VPS13B: variants seen among roughly 807,000 people sequenced by gnomAD.
VPS13B encodes vacuolar protein sorting 13 homolog B.
A neutral mutation model predicts 426.4 loss-of-function variants in VPS13B; 285 were observed. The ratio of observed to expected loss-of-function variants is 0.67; its 90% CI spans 0.61 to 0.74. The LOEUF is 0.74. Among genes scored for constraint, VPS13B ranks in the 30% least tolerant of loss-of-function variants. VPS13B has a pLI of 0.00. For synonymous variants in VPS13B, 1,676 were observed against 1,676.4 expected (o/e 1.00, Z 0.01); for missense variants, 4,537 against 4,782.6 (o/e 0.95, Z 1.51).
Position 99,582,209 on chromosome 8 carries a change from A to C in VPS13B, c.5220+4576A>C, listed in dbSNP as rs1431785339. Among the ~76,000 whole-genome samples the C allele has an allele frequency of 2.0e-5, 3 of 152,216 alleles. No homozygotes were observed. In the South Asian group the frequency reaches 6.2e-4, roughly 32 times the overall value. ...GCCCAATTATATAATCATGGGCATT[A>C]GTTTATTTATTATAATATGGTTTTA... is the stretch of plus-strand genomic sequence containing the variant. On this transcript the variant is annotated intron_variant, in intron 33 of 61. Coordinates refer to ENST00000357162, the MANE Select transcript of VPS13B (RefSeq NM_152564.5).
chr8:99,779,041 T>G lies in VPS13B; in HGVS notation c.7779+10T>G, dbSNP rs1811882240. Reference sequence around the variant, plus strand: ...ACAAGCTTGGCAACAGGTATGCACATTCCATAACAGTTTACAGTTTGGCCA... The same window carrying G: ...ACAAGCTTGGCAACAGGTATGCACAGTCCATAACAGTTTACAGTTTGGCCA... On this transcript the variant is annotated intron_variant, in intron 42 of 61. Transcript: ENST00000357162. 1 of 1,610,040 alleles carries G rather than the reference T, an allele frequency of 6.2e-7. No individual in the cohort carries two copies.
chr8:99,322,577 T>C (rs1208113855), intron 19 of VPS13B, among the ~76,000 whole-genome samples: 1 of 152,246 alleles, frequency 6.6e-6, no homozygotes, highest in African/African-American at 2.4e-5. Flanking sequence ...ATTGACAGCG[T>C]GACTGCTCTT....
At chr8:99,830,801 T>G (rs114031528) in intron 51 of VPS13B, among the ~76,000 whole-genome samples, 1,839 of 152,254 alleles carry the variant, frequency 0.012, 32 homozygotes, top group African/African-American at 0.042. Context: ...CTGGGCTAGA[T>G]AGCACCATCC....
chr8:99,298,167 G>A (rs1820145079), intron 19 of VPS13B, among the ~76,000 whole-genome samples: 1 of 152,160 alleles, frequency 6.6e-6, no homozygotes, highest in Non-Finnish European at 1.5e-5. Flanking sequence ...GAGTTCCAGT[G>A]AGTCTTTCTT....
rs570493596 is a variant in VPS13B, at chr8:99,207,356, C to T, written c.2515+14299C>T. Among the ~76,000 whole-genome samples the T allele has an allele frequency of 7.9e-5, 12 of 152,238 alleles. No individual in the cohort carries two copies. In the South Asian group the frequency reaches 1.2e-3, roughly 16 times the overall value. On this transcript the variant is annotated intron_variant, in intron 17 of 61. Coordinates refer to ENST00000357162, the MANE Select transcript of VPS13B (RefSeq NM_152564.5). ...TAGGAATAAAGGGGTTAAAGACACA[C>T]TTAGAATGTTAAGTTATGCCTGACT...
At chr8:99,789,122 G>A (rs999746811) in intron 43 of VPS13B, among the ~76,000 whole-genome samples, 5 of 152,132 alleles carry the variant, frequency 3.3e-5, no homozygotes, top group South Asian at 2.1e-4. Flanking sequence ...AACGAGACCT[G>A]GTAATTTTTT....
intron 17 of VPS13B, among the ~76,000 whole-genome samples, chr8:99,271,949 A>C (rs567413456): frequency 6.6e-6 from 1 of 152,178 alleles, no homozygotes; most frequent in South Asian, 2.1e-4. Flanking sequence ...GATTTGGGAC[A>C]AGGTATTTCT....
At chr8:99,347,508 T>A (rs963359940) in intron 19 of VPS13B, 1 of 152,334 alleles carries the variant, frequency 6.6e-6, no homozygotes, top group Non-Finnish European at 1.5e-5. Flanking sequence ...CCCCAATTTC[T>A]ACACCCGTGT....
intron 29 of VPS13B, among the ~76,000 whole-genome samples, chr8:99,517,925 T>A (rs1588456236): frequency 6.6e-6 from 1 of 152,182 alleles, no homozygotes; most frequent in East Asian, 1.9e-4. Flanking sequence ...TTTTATTATT[T>A]TTTTTTACAT....
chr8:99,125,445 A>C (rs1323180815), intron 8 of VPS13B, among the ~76,000 whole-genome samples: 2 of 152,228 alleles, frequency 1.3e-5, no homozygotes, highest in African/African-American at 4.8e-5. Flanking sequence ...TGCATCTCCC[A>C]GTTCACTGAC....
intron 21 of VPS13B, among the ~76,000 whole-genome samples, chr8:99,418,455 TTTTCTTTCTTTCTTTC>T (rs59187307): frequency 0.022 from 2,646 of 122,726 alleles, 50 homozygotes; most frequent in African/African-American, 0.046. Flanking sequence ...TTTATCATAG[TTTTCTTTCTTTCTTTC>T]TTTCTTTCTT....
intron 51 of VPS13B, among the ~76,000 whole-genome samples, chr8:99,832,052 G>A (rs946225543): frequency 6.6e-6 from 1 of 152,132 alleles, no homozygotes; most frequent in Non-Finnish European, 1.5e-5. Context: ...CTTGAGGTCA[G>A]GAGTTTGAGA....
intron 45 of VPS13B, 136 bp from the exon 46 acceptor site, chr8:99,818,313 TCA>T: frequency 1.1e-6 from 1 of 898,270 alleles, no homozygotes; most frequent in South Asian, 1.6e-5. Context: ...CTGTTTTTGC[TCA>T]GTTTTTTTTA....
intron 54 of VPS13B, among the ~76,000 whole-genome samples, chr8:99,844,387 G>GAGTTTCACTCT (rs1815869285): frequency 6.7e-6 from 1 of 149,186 alleles, no homozygotes; most frequent in Non-Finnish European, 1.5e-5. Flanking sequence ...TTTTGAGACG[G>GAGTTTCACTCT]AGTTTCACTC....
At chr8:99,486,972 G>C (rs1820341519) in intron 25 of VPS13B, among the ~76,000 whole-genome samples, 1 of 152,128 alleles carries the variant, frequency 6.6e-6, no homozygotes, top group Non-Finnish European at 1.5e-5. Context: ...AGATGATTGA[G>C]TATGCTGGAG....
chr8:99,437,055 A>C (rs1817418541), intron 22 of VPS13B, among the ~76,000 whole-genome samples: 1 of 152,094 alleles, frequency 6.6e-6, no homozygotes, highest in Non-Finnish European at 1.5e-5. Flanking sequence ...TCCATTTTTT[A>C]AGATGTTTTA....
chr8:99,068,633 A>G (rs1844679295), intron 3 of VPS13B, among the ~76,000 whole-genome samples: 1 of 152,212 alleles, frequency 6.6e-6, no homozygotes, highest in Non-Finnish European at 1.5e-5. Flanking sequence ...ACAGTTCTGC[A>G]TTGCTGGGGA....
At chr8:99,148,395 C>T (rs906895621) in intron 14 of VPS13B, among the ~76,000 whole-genome samples, 10 of 147,948 alleles carry the variant, frequency 6.8e-5, no homozygotes, top group Non-Finnish European at 1.3e-4. Context: ...ATAAAAGTAT[C>T]TGCTTATATA....
In VPS13B at chr8:99,577,633, G is replaced by T. The variant is rs780598553; in HGVS notation, c.5220G>T (p.Glu1740Asp). Residue 1740 changes from glutamate to aspartate, a missense_variant and splice_region_variant, in exon 33 of 62, where the codon GAG becomes GAT. By Grantham distance (45) the Glu-to-Asp change is conservative (BLOSUM62 2). Around this residue, in one of 2 missense-constraint regions of VPS13B, gnomAD observed 4,311 missense variants for 4,474.3 expected, o/e 0.96. Transcript: ENST00000357162. Reference sequence around the variant, plus strand: ...TGGAACCATCAAACAAGGCTGCAGAGGTAACTGTTACCTGATTTTGATCAG... The same window carrying T: ...TGGAACCATCAAACAAGGCTGCAGATGTAACTGTTACCTGATTTTGATCAG... The part of the protein sequence containing the change: ...TGLEPSNKAA[E>D]ISKQEQKKVD... 4.3e-6 allele frequency: 7 copies of T among 1,613,230 alleles called. No individual in the cohort carries two copies. The African/African-American group carries it at 5.3e-5, about 12-fold the overall frequency.
Sources: gnomAD v4.1 joint callset for allele counts (sites outside exome capture counted in the v4.1 genomes callset) on GRCh38, gnomAD v4.1.1 for gene constraint, gnomAD v4.1.1 regional missense constraint, MANE v1.5 for transcripts, NCBI Gene and HGNC (gene_info 2026-07-23, HGNC 2026-07-21) for gene names.